The following SLC35F1 variants were observed in gnomAD, a reference collection of about 807,000 sequenced individuals.
SLC35F1 encodes the protein chromosome 6 open reading frame 169.
A neutral mutation model predicts 48.7 loss-of-function variants in SLC35F1; 14 were observed. The observed-to-expected ratio is 0.29, with a 90% CI of 0.19 to 0.45. The LOEUF is 0.45. SLC35F1 is among the 20% of genes least tolerant of loss of function. SLC35F1 has a pLI of 1.00. For missense variants in SLC35F1, 404 were observed against 500.0 expected (o/e 0.81, Z 1.83); for synonymous variants, 190 against 202.2 (o/e 0.94, Z 0.51).
At chr6:118,162,088 T>C (rs866268054) in intron 2 of SLC35F1, among the ~76,000 whole-genome samples, 20 of 152,204 alleles carry the variant, frequency 1.3e-4, no homozygotes, top group African/African-American at 4.8e-4. Context: ...TCTTTATTCA[T>C]AATTGCAAAA....
Position 118,267,058 on chromosome 6 carries a change from T to C in SLC35F1, c.541T>C (p.Tyr181His), listed in dbSNP as rs751832072. Residue 181 changes from tyrosine to histidine, a missense_variant, in exon 4 of 8, where the codon TAC becomes CAC. Tyr to His is a moderately conservative substitution (Grantham distance 83). Around this residue, in one of 2 missense-constraint regions of SLC35F1, gnomAD observed 306 missense variants for 419.1 expected, o/e 0.73. Coordinates refer to ENST00000360388, the MANE Select transcript of SLC35F1 (RefSeq NM_001029858.4). ...LLSWFFLLIR[Y>H]KAVHFIGIVV... is the part of the protein sequence containing the mutation. ...CTCCTGGTTCTTCCTGCTGATCCGG[T>C]ACAAGGCTGTGCATTTCATCGGCAT... 1 of 1,614,042 alleles carries C rather than the reference T, an allele frequency of 6.2e-7. No homozygotes were observed. The highest frequency in any genetic ancestry group is 2.2e-5 in the East Asian group (1 of 44,872).
chr6:118,064,726 T>G (rs4364511), intron 1 of SLC35F1, among the ~76,000 whole-genome samples: 46,261 of 152,036 alleles, frequency 0.3, 7,528 homozygotes, highest in East Asian at 0.47. Flanking sequence ...TATTCTAAAC[T>G]TTGTAACAGC....
chr6:117,994,209 C>CG (rs1163125754), intron 1 of SLC35F1, among the ~76,000 whole-genome samples: 2 of 152,004 alleles, frequency 1.3e-5, no homozygotes, highest in Non-Finnish European at 2.9e-5. Context: ...ATTGCCCCCC[C>CG]CATCCTCAAC....
intron 1 of SLC35F1, among the ~76,000 whole-genome samples, chr6:117,970,793 C>T (rs1019403932): frequency 5.9e-5 from 9 of 152,286 alleles, no homozygotes; most frequent in African/African-American, 2.2e-4. Flanking sequence ...GTCACAAGAA[C>T]AGCATGGGGA....
intron 1 of SLC35F1, among the ~76,000 whole-genome samples, chr6:117,937,793 C>T (rs1776179019): frequency 6.6e-6 from 1 of 152,184 alleles, no homozygotes; most frequent in Non-Finnish European, 1.5e-5. Context: ...TGTTCGAACT[C>T]AGAATGAACT....
chr6:117,999,195 C>T, intron 1 of SLC35F1: 3 of 1,594,908 alleles, frequency 1.9e-6, no homozygotes, highest in Admixed American at 1.7e-5. Flanking sequence ...GCTATCAAGG[C>T]CCTCGTAAAG....
intron 1 of SLC35F1, among the ~76,000 whole-genome samples, chr6:118,138,938 TA>T (rs1773840104): frequency 6.6e-6 from 1 of 151,122 alleles, no homozygotes; most frequent in East Asian, 2.0e-4. Flanking sequence ...CCATAGAGGA[TA>T]TTTTTTAGCC....
intron 1 of SLC35F1, among the ~76,000 whole-genome samples, chr6:118,096,337 A>G (rs991235066): frequency 1.2e-4 from 19 of 152,220 alleles, no homozygotes; most frequent in African/African-American, 4.1e-4. Flanking sequence ...TAGTTAACGC[A>G]TAGCAGAATC....
intron 1 of SLC35F1, among the ~76,000 whole-genome samples, chr6:117,965,534 G>A (rs1289203621): frequency 6.6e-6 from 1 of 152,194 alleles, no homozygotes; most frequent in African/African-American, 2.4e-5. Flanking sequence ...GTATTAGGGA[G>A]GAAGAGCACC....
chr6:118,251,569 A>C (rs1775576043), intron 3 of SLC35F1, among the ~76,000 whole-genome samples: 1 of 152,166 alleles, frequency 6.6e-6, no homozygotes, highest in Non-Finnish European at 1.5e-5. Context: ...GTTTGGGCTT[A>C]ATTCTGAGAG....
intron 1 of SLC35F1, among the ~76,000 whole-genome samples, chr6:118,093,731 C>T (rs1773109836): frequency 6.6e-6 from 1 of 152,100 alleles, no homozygotes; most frequent in Non-Finnish European, 1.5e-5. Flanking sequence ...GACTAAAATA[C>T]ACCAAGAGAA....
chr6:118,135,243 T>C (rs1046402726), intron 1 of SLC35F1, among the ~76,000 whole-genome samples: 1 of 152,240 alleles, frequency 6.6e-6, no homozygotes, highest in Non-Finnish European at 1.5e-5. Flanking sequence ...ATTTTGCCTC[T>C]TATTTGTTAA....
chr6:118,104,155 T>A, intron 1 of SLC35F1, among the ~76,000 whole-genome samples: 1 of 150,400 alleles, frequency 6.6e-6, no homozygotes. Flanking sequence ...CTCCCTATCT[T>A]CCTCTCTCCC....
rs759886329 is a variant in SLC35F1, at chr6:118,267,064, G to A, written c.547G>A (p.Ala183Thr). Residue 183 changes from alanine to threonine, a missense_variant, in exon 4 of 8, where the codon GCT (alanine) becomes ACT (threonine). Around this residue, in one of 2 missense-constraint regions of SLC35F1, gnomAD observed 306 missense variants for 419.1 expected, o/e 0.73. Coordinates refer to ENST00000360388, the MANE Select transcript of SLC35F1 (RefSeq NM_001029858.4). ...SWFFLLIRYK[A>T]VHFIGIVVCI... Reference sequence around the variant, plus strand: ...GTTCTTCCTGCTGATCCGGTACAAGGCTGTGCATTTCATCGGCATCGTTGT... The same window carrying A: ...GTTCTTCCTGCTGATCCGGTACAAGACTGTGCATTTCATCGGCATCGTTGT... 1.2e-6 allele frequency: 2 copies of A among 1,614,020 alleles called. No individual in the cohort carries two copies. The highest frequency in any genetic ancestry group is 2.2e-5 in the East Asian group (1 of 44,868).
At chr6:118,114,323 T>C (rs1773448175) in intron 1 of SLC35F1, among the ~76,000 whole-genome samples, 1 of 152,178 alleles carries the variant, frequency 6.6e-6, no homozygotes, top group Admixed American at 6.5e-5. Flanking sequence ...TCTTGGAATA[T>C]TTTAGCTCCC....
intron 1 of SLC35F1, among the ~76,000 whole-genome samples, chr6:117,971,558 A>G (rs1478391837): frequency 6.6e-6 from 1 of 152,194 alleles, no homozygotes; most frequent in Non-Finnish European, 1.5e-5. Context: ...GAGGCTCTCC[A>G]TGAGGGGTCC....
At chr6:117,949,289 A>G (rs886609576) in intron 1 of SLC35F1, among the ~76,000 whole-genome samples, 7 of 152,190 alleles carry the variant, frequency 4.6e-5, no homozygotes, top group African/African-American at 1.7e-4. Flanking sequence ...GATGCTGACA[A>G]TGTTAGTTCA....
intron 1 of SLC35F1, among the ~76,000 whole-genome samples, chr6:118,035,063 G>A (rs1287541468): frequency 2.0e-5 from 3 of 152,120 alleles, no homozygotes; most frequent in Non-Finnish European, 4.4e-5. Context: ...TTCTTTAATA[G>A]ATACAGGGCT....
At chr6:117,982,253 T>C (rs1284627626) in intron 1 of SLC35F1, among the ~76,000 whole-genome samples, 1 of 152,224 alleles carries the variant, frequency 6.6e-6, no homozygotes, top group Non-Finnish European at 1.5e-5. Flanking sequence ...ACTGGGTGTA[T>C]TTCTGTCATG....
Sources: allele counts gnomAD v4.1 joint callset (sites outside exome capture counted in the v4.1 genomes callset), GRCh38; gene constraint gnomAD v4.1.1; regional missense constraint gnomAD v4.1.1; transcripts MANE v1.5; gene names NCBI Gene and HGNC (gene_info 2026-07-23, HGNC 2026-07-21).